The following TNKS1BP1 variants were observed in gnomAD, a reference collection of about 807,000 sequenced individuals.
The protein encoded by TNKS1BP1 is 182 kDa tankyrase-1-binding protein.
In TNKS1BP1, 48 loss-of-function variants were observed where a neutral mutation model predicts 141.1. The ratio of observed to expected loss-of-function variants is 0.34; its 90% CI spans 0.27 to 0.43. TNKS1BP1 has a LOEUF of 0.43. Ranked by LOEUF, TNKS1BP1 falls within the 20% of genes least tolerant of loss-of-function variation. TNKS1BP1 has a pLI of 1.00. For missense variants in TNKS1BP1, 2,149 were observed against 2,226.0 expected, an observed-to-expected ratio of 0.97 and a Z score of 0.70; for synonymous variants, 875 against 898.2, an observed-to-expected ratio of 0.97 and a Z score of 0.46.
intron 3 of TNKS1BP1, 25 bp from the exon 4 acceptor site, chr11:57,317,912 G>A: frequency 1.9e-6 from 3 of 1,609,000 alleles, no homozygotes; most frequent in South Asian, 2.2e-5. Context: ...GACAGGAAAT[G>A]GAAGCACGGA....
chr11:57,308,558 A>G lies in TNKS1BP1; in HGVS notation c.4153T>C (p.Ser1385Pro). The G allele has an allele frequency of 1.2e-6, 2 of 1,614,008 alleles. No homozygotes were observed. The highest frequency in any genetic ancestry group is 1.7e-6 in the Non-Finnish European group (2 of 1,179,950). Residue 1385 changes from serine to proline, a missense_variant, in exon 6 of 12, where the codon TCT becomes CCT. Ser to Pro is a moderately conservative substitution (Grantham distance 74, BLOSUM62 -1). Transcript: ENST00000358252. ...EPGLRHNGSL[S>P]PGLEARDPLE... The stretch of plus-strand genomic sequence containing the variant: ...GGGTCTCTGGCCTCCAGGCCAGGAG[A>G]CAAGCTGCCATTGTGCCTCAGGCCG...
intron 1 of TNKS1BP1, chr11:57,322,465 C>A (rs191229291): frequency 5.4e-5 from 12 of 220,404 alleles, no homozygotes; most frequent in African/African-American, 1.9e-4. Flanking sequence ...CCTTCTCCCC[C>A]CTCTCCCTGT....
At chr11:57,320,735 G>A in intron 2 of TNKS1BP1, 23 bp from the exon 3 acceptor site, 1 of 1,531,584 alleles carries the variant, frequency 6.5e-7, no homozygotes, top group Non-Finnish European at 8.8e-7. Context: ...AAGGGTTGGT[G>A]GGGGAGCTGT....
In TNKS1BP1 at chr11:57,320,476, C is replaced by T; in HGVS notation, c.331G>A (p.Gly111Arg). The change falls in exon 3 of 12, where the codon GGA becomes AGA. Residue 111 changes from glycine (G) to arginine (R), a missense_variant. Coordinates refer to ENST00000358252, the MANE Select transcript of TNKS1BP1 (RefSeq NM_033396.3). The stretch of plus-strand genomic sequence containing the variant: ...TTCCCAGTCTCTTGGGTGGCTTCTC[C>T]TCCAGTGGAGGCCTCAACCGCAGGC... ...PRPAVEASTG[G>R]EATQETGKEE... 1 of 1,608,210 alleles carries T rather than the reference C, an allele frequency of 6.2e-7. No homozygotes were observed. The highest frequency in any genetic ancestry group is 8.5e-7 in the Non-Finnish European group (1 of 1,175,948).
rs1272900232 is a variant in TNKS1BP1, at chr11:57,313,870, G to A, written c.818C>T (p.Pro273Leu). Reference protein sequence around the residue: ...LPADISKPWIPSSPAPSSENG... With the variant: ...LPADISKPWILSSPAPSSENG... ...CTCTGAGGAGGGGGCTGGACTTGAG[G>A]GAATCCAGGGCTTGGAAATCTGCAA... Residue 273 changes from proline (P) to leucine (L), a missense_variant, in exon 5 of 12, where the codon CCC becomes CTC. Coordinates refer to ENST00000358252, the MANE Select transcript of TNKS1BP1 (RefSeq NM_033396.3). 6.6e-7 allele frequency: 1 copy of A among 1,508,012 alleles called. No homozygotes were observed. Among genetic ancestry groups the A allele is most frequent in the Non-Finnish European group, 8.8e-7 (1 of 1,131,970 alleles). 93.4% of individuals were successfully genotyped at this position (1,508,012 alleles called of 1,614,324 possible). A position where few individuals can be genotyped will look rare whatever the true frequency, so the allele number is the denominator to read the frequency against.
At chr11:57,301,100 G>C (rs1242186279) in intron 9 of TNKS1BP1, 59 bp from the exon 10 acceptor site, 5 of 1,496,636 alleles carry the variant, frequency 3.3e-6, no homozygotes, top group Middle Eastern at 2.4e-4. Flanking sequence ...GGACTCTCAG[G>C]GGGTAAGACC....
At chr11:57,319,751 G>C (rs1308162404) in intron 3 of TNKS1BP1, among the ~76,000 whole-genome samples, 5 of 121,676 alleles carry the variant, frequency 4.1e-5, no homozygotes, top group African/African-American at 1.2e-4. Context: ...TGGGTGACAA[G>C]AGCAAAACAC....
At chr11:57,315,858 C>T (rs1446410651) in intron 4 of TNKS1BP1, among the ~76,000 whole-genome samples, 3 of 151,036 alleles carry the variant, frequency 2.0e-5, no homozygotes, top group Middle Eastern at 6.8e-3. Context: ...GAGGTCAATC[C>T]CTCCTCTCTC....
At chr11:57,307,769 CA>C (rs576724476) in intron 6 of TNKS1BP1, among the ~76,000 whole-genome samples, 258 of 152,344 alleles carry the variant, frequency 1.7e-3, no homozygotes, top group Non-Finnish European at 3.1e-3. Flanking sequence ...ATCCATGAAA[CA>C]GACTGTGCTT....
At chr11:57,300,652 A>C (rs1855511530) in intron 10 of TNKS1BP1, 52 bp from the exon 11 acceptor site, 7 of 1,610,444 alleles carry the variant, frequency 4.3e-6, no homozygotes, top group Non-Finnish European at 5.9e-6. Context: ...GAAACTGAAC[A>C]CAACAAGGAG....
rs565550919 is a variant in TNKS1BP1 at position 57,301,244 on chromosome 11, C to G, written c.4972-203G>C. ...TATGCCTTGCACACCTTTCTGTCCT[C>G]AAAAACATATGGCAGGATTGAATTC... On this transcript the variant is annotated intron_variant, in intron 9 of 11. Coordinates refer to ENST00000358252, the MANE Select transcript of TNKS1BP1 (RefSeq NM_033396.3). Among the ~76,000 whole-genome samples the G allele has an allele frequency of 4.6e-5, 7 of 152,298 alleles. No individual in the cohort carries two copies. The East Asian group carries it at 9.6e-4, about 21-fold the overall frequency.
At position 57,300,715 on chromosome 11, in the gene TNKS1BP1, G is replaced by A. The variant is rs995031096; in HGVS notation, c.5130-115C>T. ...AACCAGAAGAGGCAGTCTGGGGCCT[G>A]GCTGCAGGGACCCAAATTCTGACAC... is the stretch of plus-strand genomic sequence containing the variant. On this transcript the variant is annotated intron_variant, in intron 10 of 11. Transcript: ENST00000358252. The A allele has an allele frequency of 1.5e-5, 22 of 1,513,494 alleles. No homozygotes were observed. The East Asian group carries it at 4.5e-4, about 31-fold the overall frequency. 93.8% of individuals were successfully genotyped at this position (1,513,494 alleles called of 1,614,324 possible). A position where few individuals can be genotyped will look rare whatever the true frequency, so the allele number is the denominator to read the frequency against.
chr11:57,301,148 GACCC>G, intron 9 of TNKS1BP1, 107 bp from the exon 10 acceptor site: 3 of 1,237,156 alleles, frequency 2.4e-6, no homozygotes, highest in Non-Finnish European at 3.3e-6. Flanking sequence ...ATCAAGCAGA[GACCC>G]CTCTGCAGTC....
chr11:57,317,070 T>G (rs1406565889), intron 4 of TNKS1BP1, among the ~76,000 whole-genome samples: 1 of 152,188 alleles, frequency 6.6e-6, no homozygotes. Flanking sequence ...TCTCCAGACA[T>G]GCACACAGCT....
In TNKS1BP1 at chr11:57,303,777, G is replaced by A. The variant is rs116275550; in HGVS notation, c.4317-952C>T. On this transcript the variant is annotated intron_variant, in intron 6 of 11. Transcript: ENST00000358252. ...AACACAATACAGCTGGACATGGGGT[G>A]CAGGGCTCACGCCTGTAATTCCAGC... 1.3e-3 allele frequency among the ~76,000 whole-genome samples: 197 copies of A among 152,288 alleles called. 1 individual carries two copies. Among genetic ancestry groups the A allele is most frequent in the African/African-American group, 4.7e-3 (195 of 41,556 alleles).
intron 1 of TNKS1BP1, 119 bp from the exon 2 acceptor site, chr11:57,322,069 AGTGG>A: frequency 6.2e-6 from 1 of 160,770 alleles, no homozygotes; most frequent in South Asian, 7.1e-5. Flanking sequence ...GAGAACTTGG[AGTGG>A]GGGGGGGGGG....
intron 5 of TNKS1BP1, chr11:57,311,582 G>A (rs1270288245): frequency 1.4e-5 from 7 of 484,506 alleles, no homozygotes; most frequent in Middle Eastern, 9.7e-4. Flanking sequence ...CCTACTACAG[G>A]AGTCAGCTTA....
At chr11:57,304,051 TCGCACCC>T (rs1855570350) in intron 6 of TNKS1BP1, among the ~76,000 whole-genome samples, 1 of 151,922 alleles carries the variant, frequency 6.6e-6, no homozygotes, top group South Asian at 2.1e-4. Context: ...CAGATGGACC[TCGCACCC>T]ACCACATCTA....
intron 3 of TNKS1BP1, 50 bp downstream of exon 3, chr11:57,320,029 C>A: frequency 6.5e-7 from 1 of 1,548,930 alleles, no homozygotes; most frequent in Admixed American, 1.7e-5. Flanking sequence ...CCAATCCCAC[C>A]CCACCTGACC....
Sources: allele counts gnomAD v4.1 joint callset (sites outside exome capture counted in the v4.1 genomes callset), GRCh38; gene constraint gnomAD v4.1.1; transcripts MANE v1.5; gene names NCBI Gene and HGNC (gene_info 2026-07-23, HGNC 2026-07-21).